Variants in TASP1 observed in about 807,000 individuals in gnomAD.
TASP1 encodes taspase 1.
Under a neutral mutation model 56.6 loss-of-function variants are expected in TASP1, and 16 were observed. That is an observed-to-expected ratio of 0.28 (90% CI 0.19 to 0.43). TASP1 has a LOEUF of 0.43. Among genes scored for constraint, TASP1 ranks in the 20% least tolerant of loss-of-function variants. The pLI, the probability that TASP1 is intolerant of heterozygous loss-of-function variation, is 1.00. For synonymous variants in TASP1, 179 were observed against 184.2 expected (o/e 0.97, Z 0.23); for missense variants, 393 against 511.6 (o/e 0.77, Z 2.24).
the TASP1 span, among the ~76,000 whole-genome samples, chr20:13,173,959 C>T: frequency 4.0e-4 from 61 of 152,282 alleles, no homozygotes; most frequent in African/African-American, 1.4e-3. Context: ...GGGTTGTGAC[C>T]TTTCAGAATT....
intron 10 of TASP1, among the ~76,000 whole-genome samples, chr20:13,488,340 A>G (rs1340955032): frequency 1.3e-5 from 2 of 152,140 alleles, no homozygotes; most frequent in African/African-American, 4.8e-5. Flanking sequence ...AAAAATTCAA[A>G]AATTTTTAAA....
At chr20:13,286,584 C>CG in the TASP1 span, among the ~76,000 whole-genome samples, 2 of 151,998 alleles carry the variant, frequency 1.3e-5, no homozygotes, top group Admixed American at 6.6e-5. Flanking sequence ...GATGGGGCCT[C>CG]GGGGGGCAGA....
chr20:13,134,099 T>C, the TASP1 span, among the ~76,000 whole-genome samples: 8 of 152,302 alleles, frequency 5.3e-5, no homozygotes, highest in East Asian at 1.4e-3. Context: ...CACGGTCAGG[T>C]GTACGTACCA....
chr20:13,129,228 C>T, the TASP1 span, among the ~76,000 whole-genome samples: 1 of 152,156 alleles, frequency 6.6e-6, no homozygotes, highest in Non-Finnish European at 1.5e-5. Flanking sequence ...TCGGGAACAC[C>T]TGGCCTCAAG....
At chr20:13,366,617 A>T in the TASP1 span, among the ~76,000 whole-genome samples, 1 of 152,188 alleles carries the variant, frequency 6.6e-6, no homozygotes, top group East Asian at 1.9e-4. Context: ...TATGTGGTTG[A>T]TTTTTCTTTC....
At chr20:13,230,297 CTT>C in the TASP1 span, among the ~76,000 whole-genome samples, 2 of 152,080 alleles carry the variant, frequency 1.3e-5, no homozygotes, top group African/African-American at 4.8e-5. Context: ...ACTTTGTTCA[CTT>C]TTTTTTCTTC....
chr20:13,536,709 A>G (rs1041171588), intron 8 of TASP1, among the ~76,000 whole-genome samples: 2 of 152,150 alleles, frequency 1.3e-5, no homozygotes, highest in Non-Finnish European at 2.9e-5. Flanking sequence ...ATGTAAAGTG[A>G]CTGTCTTCAT....
chr20:13,233,438 A>G, the TASP1 span, among the ~76,000 whole-genome samples: 2 of 151,960 alleles, frequency 1.3e-5, no homozygotes, highest in Non-Finnish European at 2.9e-5. Flanking sequence ...TCTACTGACA[A>G]TACAAAATTA....
chr20:13,357,848 AAC>A, the TASP1 span, among the ~76,000 whole-genome samples: 1,617 of 152,346 alleles, frequency 0.011, 30 homozygotes, highest in African/African-American at 0.036. Context: ...GCATCTCACA[AAC>A]ACAAGAAAAA....
chr20:13,136,852 G>A, the TASP1 span, among the ~76,000 whole-genome samples: 1 of 151,278 alleles, frequency 6.6e-6, no homozygotes, highest in African/African-American at 2.4e-5. Flanking sequence ...CTGCAAAAAA[G>A]GTCATAAATA....
At chr20:13,233,134 A>G in the TASP1 span, among the ~76,000 whole-genome samples, 1 of 152,062 alleles carries the variant, frequency 6.6e-6, no homozygotes, top group African/African-American at 2.4e-5. Context: ...CCTTGTCCCC[A>G]TGAGTGGAAA....
chr20:13,324,773 C>G, the TASP1 span, among the ~76,000 whole-genome samples: 1 of 152,264 alleles, frequency 6.6e-6, no homozygotes, highest in East Asian at 1.9e-4. Flanking sequence ...ACAGAAAGCA[C>G]CTACTAAACA....
chr20:13,292,241 C>G, the TASP1 span: 1 of 622,390 alleles, frequency 1.6e-6, no homozygotes. Context: ...CCTCTGTTGG[C>G]AAGTTTCTGC....
the TASP1 span, among the ~76,000 whole-genome samples, chr20:13,345,171 G>GA: frequency 2.6e-5 from 4 of 152,196 alleles, no homozygotes; most frequent in Non-Finnish European, 4.4e-5. Context: ...ATGAAGAAAA[G>GA]AGTTAAAAAT....
the TASP1 span, chr20:13,221,629 C>G: frequency 1.9e-6 from 1 of 536,078 alleles, no homozygotes; most frequent in Non-Finnish European, 2.5e-6. Flanking sequence ...CCAGCGCCAG[C>G]CCCGCGGGCC....
intron 7 of TASP1, among the ~76,000 whole-genome samples, chr20:13,559,684 G>T (rs573975453): frequency 6.6e-6 from 1 of 152,064 alleles, no homozygotes; most frequent in South Asian, 2.1e-4. Context: ...GATAGACCTC[G>T]AGTAGAATTC....
chr20:13,218,186 G>A, the TASP1 span, among the ~76,000 whole-genome samples: 1 of 151,778 alleles, frequency 6.6e-6, no homozygotes, highest in Non-Finnish European at 1.5e-5. Context: ...GGGAAGCAGA[G>A]GCTGCAGTGA....
intron 8 of TASP1, among the ~76,000 whole-genome samples, chr20:13,547,381 T>C (rs773665300): frequency 5.3e-5 from 8 of 152,220 alleles, no homozygotes; most frequent in Non-Finnish European, 1.2e-4. Context: ...ATTCCATTAT[T>C]AATTACTGCT....
intron 4 of TASP1, among the ~76,000 whole-genome samples, chr20:13,607,047 G>A (rs2048186511): frequency 6.6e-6 from 1 of 152,146 alleles, no homozygotes; most frequent in Admixed American, 6.5e-5. Context: ...GTAGTGGAGT[G>A]CTAAGAATCT....
Sources: gnomAD v4.1 joint callset for allele counts (sites outside exome capture counted in the v4.1 genomes callset) on GRCh38, gnomAD v4.1.1 for gene constraint, MANE v1.5 for transcripts, NCBI Gene and HGNC (gene_info 2026-07-23, HGNC 2026-07-21) for gene names.